Variants in LRRC37A2 observed in about 807,000 individuals in gnomAD.
LRRC37A2 encodes the protein leucine-rich repeat-containing protein 37A2.
In LRRC37A2, 9 loss-of-function variants were observed where a neutral mutation model predicts 68.8. The observed-to-expected ratio is 0.13, with a 90% CI of 0.08 to 0.23. The LOEUF is 0.23. Ranked by LOEUF, LRRC37A2 falls within the 10% of genes least tolerant of loss-of-function variation. The pLI is 1.00. For synonymous variants in LRRC37A2, 63 were observed against 367.6 expected (o/e 0.17, Z 9.48); for missense variants, 168 against 950.4 (o/e 0.18, Z 10.82).
At chr17:46,950,658 A>T in the LRRC37A2 span, among the ~76,000 whole-genome samples, 20 of 152,214 alleles carry the variant, frequency 1.3e-4, no homozygotes, top group Non-Finnish European at 2.2e-4. Context: ...GGCTGACAGG[A>T]TGGGGCTGCC....
At chr17:46,838,617 A>G in the LRRC37A2 span, among the ~76,000 whole-genome samples, 1 of 152,070 alleles carries the variant, frequency 6.6e-6, no homozygotes, top group Non-Finnish European at 1.5e-5. Context: ...ACAGAGCGAG[A>G]CCCTGTCTCA....
chr17:46,780,282 G>A, the LRRC37A2 span, among the ~76,000 whole-genome samples: 1 of 152,200 alleles, frequency 6.6e-6, no homozygotes, highest in Non-Finnish European at 1.5e-5. Flanking sequence ...GACACCCACT[G>A]TGCTGCCAGC....
intron 6 of LRRC37A2, among the ~76,000 whole-genome samples, chr17:46,534,996 C>T (rs1268199681): frequency 6.7e-6 from 1 of 150,350 alleles, no homozygotes; most frequent in East Asian, 1.9e-4. Flanking sequence ...ATGCTCCTCA[C>T]CTCCCAGACA....
At chr17:46,771,696 C>G in the LRRC37A2 span, among the ~76,000 whole-genome samples, 1 of 143,772 alleles carries the variant, frequency 7.0e-6, no homozygotes, top group African/African-American at 2.5e-5. Context: ...GCTCCCGCGG[C>G]CGGGCCGCGC....
chr17:46,872,803 G>T, the LRRC37A2 span: 1 of 1,434,780 alleles, frequency 7.0e-7, no homozygotes, highest in South Asian at 1.2e-5. Context: ...GACGGGGAGG[G>T]CTGGGGGAAG....
At chr17:46,727,891 G>C in the LRRC37A2 span, among the ~76,000 whole-genome samples, 1 of 152,144 alleles carries the variant, frequency 6.6e-6, no homozygotes, top group Non-Finnish European at 1.5e-5. Context: ...TCCTCCTCTG[G>C]TAGAAGTATT....
At chr17:47,003,243 CAAAAAAAAAAAAA>C in the LRRC37A2 span, among the ~76,000 whole-genome samples, 4 of 73,244 alleles carry the variant, frequency 5.5e-5, no homozygotes, top group African/African-American at 1.6e-4. Context: ...AATAGAGACT[CAAAAAAAAAAAAA>C]AAAAAAAAAG....
the LRRC37A2 span, among the ~76,000 whole-genome samples, chr17:46,861,486 T>G: frequency 6.6e-6 from 1 of 152,204 alleles, no homozygotes; most frequent in African/African-American, 2.4e-5. Flanking sequence ...GGGCACATAC[T>G]ACCTCACCTA....
chr17:46,876,761 T>C, the LRRC37A2 span: 5 of 1,498,784 alleles, frequency 3.3e-6, no homozygotes, highest in Admixed American at 2.3e-5. Flanking sequence ...CAGGACCTCC[T>C]GTGGCACCCT....
chr17:47,015,300 G>A, the LRRC37A2 span, among the ~76,000 whole-genome samples: 61 of 152,102 alleles, frequency 4.0e-4, 1 homozygote, highest in East Asian at 9.7e-3. Context: ...GAGCCACTGC[G>A]CCCAGGCCCC....
chr17:46,930,749 A>G, the LRRC37A2 span: 1 of 202,886 alleles, frequency 4.9e-6, no homozygotes, highest in South Asian at 8.6e-5. Context: ...TGAGAATCCC[A>G]AAGGAAAAGA....
the LRRC37A2 span, among the ~76,000 whole-genome samples, chr17:46,967,600 T>G: frequency 1.4e-4 from 21 of 152,162 alleles, no homozygotes; most frequent in Admixed American, 1.4e-3. Flanking sequence ...CAGTGTTCTC[T>G]GGGTACAGCA....
chr17:46,731,821 A>G, the LRRC37A2 span, among the ~76,000 whole-genome samples: 16 of 152,222 alleles, frequency 1.1e-4, no homozygotes, highest in Admixed American at 8.5e-4. Flanking sequence ...TGCAGTATAC[A>G]TGAATCAGTA....
the LRRC37A2 span, among the ~76,000 whole-genome samples, chr17:46,797,715 A>G: frequency 6.6e-6 from 1 of 152,192 alleles, no homozygotes; most frequent in East Asian, 1.9e-4. Context: ...GAGACAAAAT[A>G]GATAAACTGT....
the LRRC37A2 span, among the ~76,000 whole-genome samples, chr17:46,873,691 T>C: frequency 6.6e-6 from 1 of 151,074 alleles, no homozygotes; most frequent in Non-Finnish European, 1.5e-5. Context: ...AAACCCCGTC[T>C]CTACTAAAAA....
the LRRC37A2 span, chr17:46,936,492 T>G: frequency 1.0e-6 from 1 of 985,336 alleles, no homozygotes; most frequent in East Asian, 1.1e-4. Context: ...GGCTACCTGG[T>G]GTTTGTCTCT....
chr17:47,011,115 G>A, the LRRC37A2 span, among the ~76,000 whole-genome samples: 7 of 152,266 alleles, frequency 4.6e-5, no homozygotes, highest in African/African-American at 1.2e-4. Flanking sequence ...CTGTCCAACC[G>A]GAAGCCGCCT....
the LRRC37A2 span, among the ~76,000 whole-genome samples, chr17:47,016,091 T>C: frequency 6.6e-6 from 1 of 152,170 alleles, no homozygotes; most frequent in Non-Finnish European, 1.5e-5. Context: ...ATTGCAGGTA[T>C]GCACCACCAC....
chr17:46,991,198 G>T, the LRRC37A2 span, among the ~76,000 whole-genome samples: 1 of 152,122 alleles, frequency 6.6e-6, no homozygotes, highest in African/African-American at 2.4e-5. Flanking sequence ...TGTCTAACTG[G>T]TCTAGAAGAC....
Sources: gnomAD v4.1 joint callset for allele counts (sites outside exome capture counted in the v4.1 genomes callset) on GRCh38, gnomAD v4.1.1 for gene constraint, MANE v1.5 for transcripts, NCBI Gene and HGNC (gene_info 2026-07-23, HGNC 2026-07-21) for gene names.